FHIP2A: variants seen among roughly 807,000 people sequenced by gnomAD.
FHIP2A encodes family with sequence similarity 160 member B1.
In FHIP2A, 46 loss-of-function variants were observed where a neutral mutation model predicts 93.5. The ratio of observed to expected loss-of-function variants is 0.49; its 90% CI spans 0.39 to 0.63. The LOEUF (loss-of-function observed/expected upper bound fraction) is 0.63, where lower values mean the gene tolerates loss of function less well. FHIP2A is among the 20% of genes least tolerant of loss of function. The pLI is 0.00. For synonymous variants in FHIP2A, 332 were observed against 326.5 expected (o/e 1.02, Z -0.18); for missense variants, 769 against 909.7 (o/e 0.85, Z 1.99).
chr10:114,828,766 C>G (rs1448631018), intron 1 of FHIP2A, among the ~76,000 whole-genome samples: 2 of 151,982 alleles, frequency 1.3e-5, no homozygotes. Context: ...TAAAGTACTC[C>G]CAAAGATTTT....
At chr10:114,877,206 A>C (rs1413859382) in intron 16 of FHIP2A, among the ~76,000 whole-genome samples, 1 of 152,128 alleles carries the variant, frequency 6.6e-6, no homozygotes, top group Non-Finnish European at 1.5e-5. Flanking sequence ...AGGTGTACCC[A>C]GGCCTCTCAA....
chr10:114,848,544 T>G, intron 12 of FHIP2A, 103 bp from the exon 13 acceptor site: 1 of 670,292 alleles, frequency 1.5e-6, no homozygotes, highest in Non-Finnish European at 2.6e-6. Flanking sequence ...AAGTTATTAT[T>G]GAATTATGAG....
At chr10:114,847,531 G>A (rs760741346) in intron 12 of FHIP2A, among the ~76,000 whole-genome samples, 9 of 151,872 alleles carry the variant, frequency 5.9e-5, no homozygotes, top group Non-Finnish European at 1.3e-4. Context: ...TCAAGTGATC[G>A]GCCCGCCTCG....
chr10:114,839,273 C>T (rs1008665105), intron 5 of FHIP2A, among the ~76,000 whole-genome samples: 2 of 151,812 alleles, frequency 1.3e-5, no homozygotes, highest in East Asian at 1.9e-4. Context: ...ATTACAGGTG[C>T]GCACCACCAC....
chr10:114,834,904 C>G lies in FHIP2A; in HGVS notation c.295-633C>G, dbSNP rs534743174. Among the ~76,000 whole-genome samples the G allele has an allele frequency of 3.3e-5, 5 of 152,252 alleles. No individual in the cohort carries two copies. The East Asian group carries it at 9.6e-4, about 29-fold the overall frequency. ...ATATAGTATTTCCAGGATGCAAAAC[C>G]TGTCTATGCAAAGGGCTGAATTTTC... On this transcript the variant is annotated intron_variant, in intron 3 of 16. Transcript: ENST00000369248.
chr10:114,888,290 A>G (rs2143015828), intron 16 of FHIP2A, among the ~76,000 whole-genome samples: 1 of 152,272 alleles, frequency 6.6e-6, no homozygotes, highest in African/African-American at 2.4e-5. Context: ...TATGAAGGGT[A>G]AGCAGAGGAG....
At chr10:114,871,296 G>C (rs989785831) in intron 16 of FHIP2A, among the ~76,000 whole-genome samples, 1 of 152,090 alleles carries the variant, frequency 6.6e-6, no homozygotes, top group Middle Eastern at 3.4e-3. Flanking sequence ...GGGACTACAG[G>C]ATCATGCCAC....
At chr10:114,898,817 T>C (rs2084013232) in intron 16 of FHIP2A, among the ~76,000 whole-genome samples, 1 of 152,192 alleles carries the variant, frequency 6.6e-6, no homozygotes, top group African/African-American at 2.4e-5. Flanking sequence ...TTAGAAATTT[T>C]TTAAGAATTT....
intron 5 of FHIP2A, among the ~76,000 whole-genome samples, chr10:114,840,186 C>T (rs537077235): frequency 3.9e-5 from 6 of 151,972 alleles, no homozygotes; most frequent in African/African-American, 7.3e-5. Context: ...CCCAGGAGTT[C>T]GAGATCAGCC....
At chr10:114,823,493 T>A (rs1048676381) in intron 1 of FHIP2A, among the ~76,000 whole-genome samples, 2 of 151,296 alleles carry the variant, frequency 1.3e-5, no homozygotes, top group African/African-American at 2.4e-5. Context: ...TTTATTTATT[T>A]ATTTATTTAT....
intron 16 of FHIP2A, among the ~76,000 whole-genome samples, chr10:114,892,385 G>T (rs927260278): frequency 2.0e-5 from 3 of 152,090 alleles, no homozygotes; most frequent in African/African-American, 7.2e-5. Context: ...GGTGGCTCAC[G>T]CCTGTAATCC....
chr10:114,889,797 C>T lies in FHIP2A; in HGVS notation c.2193-9693C>T, dbSNP rs556452390. Among the ~76,000 whole-genome samples the T allele has an allele frequency of 3.3e-5, 5 of 152,340 alleles. No individual in the cohort carries two copies. The East Asian group carries it at 7.7e-4, about 24-fold the overall frequency. Reference sequence around the variant, plus strand: ...TTTGGGCCCTCCAAGGGTTGCTCCTCTGGTGGATCTTCTAGCTTGACATGA... The same window carrying T: ...TTTGGGCCCTCCAAGGGTTGCTCCTTTGGTGGATCTTCTAGCTTGACATGA... On this transcript the variant is annotated intron_variant, in intron 16 of 16. Transcript: ENST00000369250.
At position 114,843,130 on chromosome 10, in the gene FHIP2A, T is replaced by G. The variant is rs1406608702; in HGVS notation, c.720T>G (p.Asp240Glu). 1 of 1,614,060 alleles carries G rather than the reference T, an allele frequency of 6.2e-7. No individual in the cohort carries two copies. Among genetic ancestry groups the G allele is most frequent in the Admixed American group, 1.7e-5 (1 of 60,020 alleles). ...TGGATCACCTGTCCACAAGCTTGGA[T>G]AACCTCAGTGTCACCTCACTGCCAG... The part of the protein sequence containing the change: ...HQMDHLSTSL[D>E]NLSVTSLPEA... The change falls in exon 6 of 17, where the codon GAT becomes GAG. Residue 240 changes from aspartate (D) to glutamate (E), a missense_variant. Coordinates refer to ENST00000369248, the MANE Select transcript of FHIP2A (RefSeq NM_020940.4).
At chr10:114,892,166 G>A (rs2083977745) in intron 16 of FHIP2A, among the ~76,000 whole-genome samples, 1 of 152,126 alleles carries the variant, frequency 6.6e-6, no homozygotes, top group African/African-American at 2.4e-5. Flanking sequence ...TTCATAGGGT[G>A]AAGAAAATTC....
chr10:114,836,735 T>C (rs960526725), intron 5 of FHIP2A, among the ~76,000 whole-genome samples: 1 of 152,218 alleles, frequency 6.6e-6, no homozygotes, highest in African/African-American at 2.4e-5. Flanking sequence ...TCATAGTTTA[T>C]TTAAATCAAG....
chr10:114,843,309 T>G, intron 6 of FHIP2A, 83 bp downstream of exon 6: 1 of 973,732 alleles, frequency 1.0e-6, no homozygotes, highest in Non-Finnish European at 1.3e-6. Context: ...TAATTTTTAA[T>G]TTATTTTTTT....
chr10:114,846,748 C>T lies in FHIP2A; in HGVS notation c.1568+20C>T, dbSNP rs772989334. 22 of 1,568,044 alleles carry T rather than the reference C, an allele frequency of 1.4e-5. No homozygotes were observed. In the South Asian group the frequency reaches 1.5e-4, roughly 10 times the overall value. On this transcript the variant is annotated intron_variant, in intron 11 of 16. Transcript: ENST00000369248. Reference sequence around the variant, plus strand: ...AGCAGTGTAAGTTTCCATCCAACTCCGTGAGTTCAGCATTTCATGTAGAGA... The same window carrying T: ...AGCAGTGTAAGTTTCCATCCAACTCTGTGAGTTCAGCATTTCATGTAGAGA...
At position 114,850,537 on chromosome 10, in the gene FHIP2A, A is replaced by AT. The variant is rs536721777; in HGVS notation, c.1803+1806dup. ...GCTTCACAATCCCATTTTTACAAAA[A>AT]TTTTTTAAAAAAATTATCCGTGTGT... On this transcript the variant is annotated intron_variant, in intron 13 of 16. Coordinates refer to ENST00000369248, the MANE Select transcript of FHIP2A (RefSeq NM_020940.4). Among the ~76,000 whole-genome samples the AT allele has an allele frequency of 2.5e-3, 316 of 124,278 alleles. 3 individuals are homozygous for AT. Among genetic ancestry groups the AT allele is most frequent in the South Asian group, 0.012 (45 of 3,626 alleles). 81.5% of individuals were successfully genotyped at this position (124,278 alleles called of 152,430 possible).
chr10:114,875,881 AAAG>A (rs1161220151), intron 16 of FHIP2A, among the ~76,000 whole-genome samples: 2 of 141,648 alleles, frequency 1.4e-5, no homozygotes, highest in South Asian at 2.4e-4. Flanking sequence ...GAAAGAAAGA[AAAG>A]AAAGAGAGAG....
Sources: gnomAD v4.1 joint callset for allele counts (sites outside exome capture counted in the v4.1 genomes callset) on GRCh38, gnomAD v4.1.1 for gene constraint, MANE v1.5 for transcripts, NCBI Gene and HGNC (gene_info 2026-07-23, HGNC 2026-07-21) for gene names.